Variants in BIRC6 observed in about 807,000 individuals in gnomAD.
BIRC6 encodes the protein baculoviral IAP repeat containing 6.
BIRC6 carries 98 observed loss-of-function variants against 503.3 expected under a neutral mutation model. The observed-to-expected ratio is 0.19, with a 90% CI of 0.17 to 0.23. BIRC6 has a LOEUF of 0.23. Among genes scored for constraint, BIRC6 ranks in the 10% least tolerant of loss-of-function variants. The probability of loss-of-function intolerance (pLI) is 1.00; values close to 1 mark genes in which losing one functional copy is unlikely to be tolerated. For synonymous variants in BIRC6, 2,240 were observed against 2,078.7 expected (o/e 1.08, Z -2.11); for missense variants, 5,360 against 5,806.0 (o/e 0.92, Z 2.50).
Position 32,477,443 on chromosome 2 carries a change from G to A in BIRC6, c.6928G>A (p.Ala2310Thr). 1 of 1,613,980 alleles carries A rather than the reference G, an allele frequency of 6.2e-7. No homozygotes were observed. Among genetic ancestry groups the A allele is most frequent in the Non-Finnish European group, 8.5e-7 (1 of 1,179,876 alleles). ...TAATTTAGACACAGAAGTTACAACA[G>A]CAAAAGAAAGTCCTGAGATAGAACC... ...RSNLDTEVTT[A>T]KESPEIEPLP... is the part of the protein sequence containing the mutation. The change falls in exon 35 of 74, where the codon GCA becomes ACA. Residue 2310 changes from alanine to threonine, a missense_variant. By Grantham distance (58) the Ala-to-Thr change is moderately conservative. Coordinates refer to ENST00000421745, the MANE Select transcript of BIRC6 (RefSeq NM_016252.4).
chr2:32,584,851 C>T (rs2060923670), intron 66 of BIRC6, among the ~76,000 whole-genome samples: 3 of 152,106 alleles, frequency 2.0e-5, no homozygotes, highest in Admixed American at 2.0e-4. Context: ...AGATCCATTC[C>T]CTGGGCTAGT....
intron 44 of BIRC6, 57 bp from the exon 45 acceptor site, chr2:32,493,483 A>G: frequency 1.4e-6 from 2 of 1,473,100 alleles, no homozygotes; most frequent in Admixed American, 1.9e-5. Flanking sequence ...TTTTAAATGA[A>G]TGATTTTTTA....
At position 32,617,920 on chromosome 2, in the gene BIRC6, A is replaced by G. The variant is rs1195663762; in HGVS notation, c.*16A>G. On this transcript the variant is annotated 3_prime_UTR_variant, in exon 74 of 74. Coordinates refer to ENST00000421745, the MANE Select transcript of BIRC6 (RefSeq NM_016252.4). ...CCAGTTATGAGCTGCATTGATGTGG[A>G]CTTCATAGACACAAAGGCTTCGAAG... The G allele has an allele frequency of 6.3e-7, 1 of 1,594,124 alleles. No individual in the cohort carries two copies. Among genetic ancestry groups the G allele is most frequent in the Admixed American group, 1.7e-5 (1 of 58,200 alleles).
At position 32,599,875 on chromosome 2, in the gene BIRC6, A is replaced by T; in HGVS notation, c.13967A>T (p.Asn4656Ile). The T allele has an allele frequency of 6.2e-7, 1 of 1,613,812 alleles. No homozygotes were observed. Among genetic ancestry groups the T allele is most frequent in the Non-Finnish European group, 8.5e-7 (1 of 1,179,806 alleles). Residue 4656 changes from asparagine (N) to isoleucine (I), a missense_variant, in exon 70 of 74, where the codon AAT becomes ATT. By Grantham distance (149) the Asn-to-Ile change is moderately radical (BLOSUM62 -3). Around this residue, in one of 16 missense-constraint regions of BIRC6, gnomAD observed 66 missense variants for 113.2 expected, o/e 0.58. Transcript: ENST00000421745. ...ACTGGTGGTCATAGCGTGCGATTCA[A>T]TCCAAACCTTTATAATGATGGCAAG... is the stretch of plus-strand genomic sequence containing the variant. ...ETTGGHSVRF[N>I]PNLYNDGKVC... is the part of the protein sequence containing the mutation.
rs147006232 is a variant in BIRC6, at chr2:32,395,558, A to G, written c.999A>G (p.Val333=). 18 of 1,613,336 alleles carry G rather than the reference A, an allele frequency of 1.1e-5. No homozygotes were observed. Among genetic ancestry groups the G allele is most frequent in the Non-Finnish European group, 1.5e-5 (18 of 1,179,404 alleles). Residue 333 remains valine (V), a synonymous_variant, in exon 6 of 74, where the codon GTA becomes GTG. Transcript: ENST00000421745. ...GAGCCATGTGTTTTACTTGTAGTGTATGCCTCGTTTGTTGGGAACCTACTG... is the reference window on the plus strand; with the variant it reads ...GAGCCATGTGTTTTACTTGTAGTGTGTGCCTCGTTTGTTGGGAACCTACTG... ...DDRAMCFTCS[V]CLVCWEPTDE... is the part of the protein sequence containing the mutation.
intron 46 of BIRC6, among the ~76,000 whole-genome samples, chr2:32,501,349 A>C (rs766164409): frequency 6.6e-6 from 1 of 152,192 alleles, no homozygotes; most frequent in Non-Finnish European, 1.5e-5. Context: ...CAGTCATATA[A>C]CAGAACAACT....
At chr2:32,437,632 T>C (rs866065033) in intron 15 of BIRC6, among the ~76,000 whole-genome samples, 37 of 152,206 alleles carry the variant, frequency 2.4e-4, no homozygotes, top group African/African-American at 8.2e-4. Flanking sequence ...ATTTGTGATA[T>C]ACTTAACTAG....
At position 32,445,613 on chromosome 2, in the gene BIRC6, G is replaced by A; in HGVS notation, c.4429G>A (p.Val1477Met). 1 of 1,607,942 alleles carries A rather than the reference G, an allele frequency of 6.2e-7. No homozygotes were observed. The highest frequency in any genetic ancestry group is 1.7e-4 in the Middle Eastern group (1 of 6,038). The change falls in exon 21 of 74, where the codon GTG becomes ATG. Residue 1477 changes from valine to methionine, a missense_variant. Around this residue, in one of 16 missense-constraint regions of BIRC6, gnomAD observed 2,299 missense variants for 2,267.2 expected, o/e 1.01. Transcript: ENST00000421745. ...STACASLLTA[V>M]SRQLQDRLTP... Reference sequence around the variant, plus strand: ...AGCTTGTGCATCTTTGCTTACTGCAGTGTCCAGACAGTTACAGGACAGGCT... The same window carrying A: ...AGCTTGTGCATCTTTGCTTACTGCAATGTCCAGACAGTTACAGGACAGGCT...
At chr2:32,425,594 G>C (rs1175668316) in intron 10 of BIRC6, among the ~76,000 whole-genome samples, 2 of 152,032 alleles carry the variant, frequency 1.3e-5, no homozygotes, top group Admixed American at 1.3e-4. Context: ...TCCAGCTGCA[G>C]CCATCCATTT....
intron 64 of BIRC6, chr2:32,549,068 C>T (rs533820527): frequency 1.8e-5 from 5 of 285,168 alleles, no homozygotes; most frequent in East Asian, 1.2e-4. Context: ...TTTTTATGTT[C>T]GTAGTTGTAT....
intron 45 of BIRC6, among the ~76,000 whole-genome samples, chr2:32,495,419 G>A (rs1215948985): frequency 2.0e-5 from 3 of 152,072 alleles, no homozygotes; most frequent in East Asian, 3.8e-4. Context: ...TTTAATAAAG[G>A]CTCTGGTATT....
chr2:32,608,089 G>T (rs1346768919), intron 72 of BIRC6, among the ~76,000 whole-genome samples: 1 of 146,876 alleles, frequency 6.8e-6, no homozygotes, highest in East Asian at 2.0e-4. Flanking sequence ...TAATCCCAAA[G>T]ATCATTAATA....
chr2:32,586,532 C>T (rs750970854), intron 66 of BIRC6, among the ~76,000 whole-genome samples: 10 of 150,658 alleles, frequency 6.6e-5, no homozygotes, highest in African/African-American at 1.5e-4. Flanking sequence ...AGCGATCCTC[C>T]CACCTTGACC....
intron 61 of BIRC6, among the ~76,000 whole-genome samples, chr2:32,535,150 C>CAAAA (rs1158856665): frequency 1.7e-3 from 12 of 7,272 alleles, no homozygotes; most frequent in East Asian, 5.1e-3. Flanking sequence ...CCCAAAAAAG[C>CAAAA]AAAAAAAAAA....
intron 57 of BIRC6, among the ~76,000 whole-genome samples, chr2:32,520,732 A>C (rs910375268): frequency 6.6e-6 from 1 of 152,104 alleles, no homozygotes; most frequent in Non-Finnish European, 1.5e-5. Flanking sequence ...TAGGAAAATC[A>C]CTTGAACCCT....
At chr2:32,447,544 A>G (rs2046177009) in intron 21 of BIRC6, among the ~76,000 whole-genome samples, 1 of 108,556 alleles carries the variant, frequency 9.2e-6, no homozygotes, top group Non-Finnish European at 1.9e-5. Context: ...ACTTCCCAGT[A>G]GGGGCGGCCG....
At chr2:32,600,126 G>A (rs1438591535) in intron 70 of BIRC6, among the ~76,000 whole-genome samples, 3 of 152,154 alleles carry the variant, frequency 2.0e-5, no homozygotes, top group Admixed American at 1.3e-4. Flanking sequence ...GTTACTCGGG[G>A]ACTTAACGTA....
chr2:32,378,050 T>G (rs1402799899), intron 2 of BIRC6, among the ~76,000 whole-genome samples: 2 of 152,138 alleles, frequency 1.3e-5, no homozygotes, highest in African/African-American at 2.4e-5. Flanking sequence ...CAGGATAGCT[T>G]GTTTCCAATA....
intron 40 of BIRC6, among the ~76,000 whole-genome samples, chr2:32,487,336 T>C (rs181452850): frequency 5.9e-5 from 9 of 152,242 alleles, no homozygotes; most frequent in Admixed American, 4.6e-4. Flanking sequence ...GTCTTATTTC[T>C]TTCCCTTTAC....
Sources: allele counts gnomAD v4.1 joint callset (sites outside exome capture counted in the v4.1 genomes callset), GRCh38; gene constraint gnomAD v4.1.1; regional missense constraint gnomAD v4.1.1; transcripts MANE v1.5; gene names NCBI Gene and HGNC (gene_info 2026-07-23, HGNC 2026-07-21).